The following PRTFDC1 variants were observed in gnomAD, a reference collection of about 807,000 sequenced individuals.
The protein encoded by PRTFDC1 is phosphoribosyltransferase domain-containing protein 1.
Under a neutral mutation model 34.6 loss-of-function variants are expected in PRTFDC1, and 38 were observed. The observed-to-expected ratio is 1.10, with a 90% CI of 0.85 to 1.44. The LOEUF (loss-of-function observed/expected upper bound fraction) is 1.44. Among genes scored for constraint, PRTFDC1 ranks in the 40% most tolerant of loss-of-function variants. The probability of loss-of-function intolerance (pLI) is 0.00; values close to 1 mark genes in which losing one functional copy is unlikely to be tolerated. For synonymous variants in PRTFDC1, 93 were observed against 98.1 expected, an observed-to-expected ratio of 0.95 and a Z score of 0.31; for missense variants, 270 against 283.0, an observed-to-expected ratio of 0.95 and a Z score of 0.33.
At chr10:24,901,403 C>G (rs1414954292) in intron 3 of PRTFDC1, among the ~76,000 whole-genome samples, 1 of 151,990 alleles carries the variant, frequency 6.6e-6, no homozygotes, top group Non-Finnish European at 1.5e-5. Context: ...GAGAAATGAC[C>G]ACCACCACCT....
At chr10:24,930,645 G>A (rs746051896) in intron 3 of PRTFDC1, among the ~76,000 whole-genome samples, 10 of 152,044 alleles carry the variant, frequency 6.6e-5, no homozygotes, top group Admixed American at 1.3e-4. Context: ...GAGCTCTGGC[G>A]TGGAACTTTG....
At chr10:24,898,551 A>G (rs574824215) in intron 3 of PRTFDC1, among the ~76,000 whole-genome samples, 2 of 151,544 alleles carry the variant, frequency 1.3e-5, no homozygotes, top group East Asian at 3.9e-4. Context: ...TAATAGAACC[A>G]GGAACACAGA....
intron 3 of PRTFDC1, among the ~76,000 whole-genome samples, chr10:24,882,008 A>T (rs902769184): frequency 6.6e-6 from 1 of 151,996 alleles, no homozygotes; most frequent in Non-Finnish European, 1.5e-5. Context: ...GGAGTTCGAG[A>T]CCAGCCTGGC....
chr10:24,942,355 T>C lies in PRTFDC1; in HGVS notation c.130A>G (p.Ile44Val), dbSNP rs1849175056. 1 of 1,613,102 alleles carries C rather than the reference T, an allele frequency of 6.2e-7. No homozygotes were observed. The highest frequency in any genetic ancestry group is 1.3e-5 in the African/African-American group (1 of 75,034). ...CTGTCCACAATGATACCATGAGGGA[T>C]GAGGACATACTCCAAGTCTCCATAA... ...HYYGDLEYVL[I>V]PHGIIVDRIE... The change falls in exon 2 of 9, where the codon ATC (isoleucine) becomes GTC (valine). Residue 44 changes from isoleucine to valine, a missense_variant. Coordinates refer to ENST00000320152, the MANE Select transcript of PRTFDC1 (RefSeq NM_020200.7).
In PRTFDC1 at chr10:24,851,808, C is replaced by T. The variant is rs74122883; in HGVS notation, c.554-344G>A. 8.7e-3 allele frequency among the ~76,000 whole-genome samples: 1,323 copies of T among 151,640 alleles called. 20 individuals are homozygous for T. Among genetic ancestry groups the T allele is most frequent in the African/African-American group, 0.03 (1,253 of 41,330 alleles). On this transcript the variant is annotated intron_variant, in intron 7 of 8. Coordinates refer to ENST00000320152, the MANE Select transcript of PRTFDC1 (RefSeq NM_020200.7). ...CTAAAGCAAGCAGTATGCAGTGATA[C>T]GATGCCAAAGGAAACACTCTCAACA...
intron 3 of PRTFDC1, among the ~76,000 whole-genome samples, chr10:24,896,086 C>G (rs1197168462): frequency 6.6e-6 from 1 of 152,064 alleles, no homozygotes; most frequent in Non-Finnish European, 1.5e-5. Context: ...CAGAAGTCAA[C>G]AGTAGGTGTT....
Position 24,933,918 on chromosome 10 carries a change from C to T in PRTFDC1, c.339+3266G>A, listed in dbSNP as rs117744235. Among the ~76,000 whole-genome samples the T allele has an allele frequency of 3.8e-3, 571 of 152,140 alleles. 21 individuals are homozygous for T. In the East Asian group the frequency reaches 0.086, roughly 23 times the overall value. On this transcript the variant is annotated intron_variant, in intron 3 of 8. Coordinates refer to ENST00000320152, the MANE Select transcript of PRTFDC1 (RefSeq NM_020200.7). ...ATGTTGACCAAGCTGGTCTTGAGCT[C>T]CTGACCTCAGATGATCTGCCCGACT...
At chr10:24,894,836 A>G (rs1444827930) in intron 3 of PRTFDC1, among the ~76,000 whole-genome samples, 1 of 152,188 alleles carries the variant, frequency 6.6e-6, no homozygotes, top group Non-Finnish European at 1.5e-5. Context: ...GCCTTGGGCA[A>G]ATGAACCCTT....
intron 3 of PRTFDC1, among the ~76,000 whole-genome samples, chr10:24,912,675 CCAAT>C (rs757380515): frequency 3.3e-5 from 5 of 151,948 alleles, no homozygotes; most frequent in Admixed American, 6.6e-5. Flanking sequence ...ATATTTTCTC[CCAAT>C]CAGTCTCCCA....
intron 7 of PRTFDC1, among the ~76,000 whole-genome samples, chr10:24,853,953 T>C (rs903887362): frequency 3.3e-5 from 5 of 152,300 alleles, no homozygotes; most frequent in Non-Finnish European, 5.9e-5. Flanking sequence ...CTGACACTCA[T>C]GGCTACATGA....
At chr10:24,923,360 A>G (rs1195732071) in intron 3 of PRTFDC1, among the ~76,000 whole-genome samples, 1 of 151,766 alleles carries the variant, frequency 6.6e-6, no homozygotes, top group East Asian at 1.9e-4. Context: ...TGGGTCCCTG[A>G]CCCCCATTTA....
At chr10:24,933,158 A>T (rs948943338) in intron 3 of PRTFDC1, among the ~76,000 whole-genome samples, 15 of 152,048 alleles carry the variant, frequency 9.9e-5, no homozygotes, top group African/African-American at 2.9e-4. Context: ...AAAACTATGA[A>T]ACTTCTCTTT....
chr10:24,876,828 C>A (rs1847973877), intron 3 of PRTFDC1, among the ~76,000 whole-genome samples: 1 of 147,896 alleles, frequency 6.8e-6, no homozygotes, highest in Non-Finnish European at 1.5e-5. Context: ...TTCTTCTTTC[C>A]CCCAACCCCC....
intron 3 of PRTFDC1, among the ~76,000 whole-genome samples, chr10:24,926,731 G>C (rs1377637109): frequency 1.3e-5 from 2 of 152,064 alleles, no homozygotes; most frequent in African/African-American, 4.8e-5. Flanking sequence ...TCCATTCCCC[G>C]AGATGTCTGC....
At chr10:24,885,881 A>T (rs1334821417) in intron 3 of PRTFDC1, among the ~76,000 whole-genome samples, 1 of 152,252 alleles carries the variant, frequency 6.6e-6, no homozygotes, top group Non-Finnish European at 1.5e-5. Context: ...AAGTGAAAGA[A>T]GCCATTCTGA....
At chr10:24,940,407 G>A (rs977561782) in intron 2 of PRTFDC1, among the ~76,000 whole-genome samples, 6 of 152,212 alleles carry the variant, frequency 3.9e-5, no homozygotes, top group Admixed American at 3.3e-4. Flanking sequence ...TTAAAAATTG[G>A]CAAAAGACTT....
intron 3 of PRTFDC1, among the ~76,000 whole-genome samples, chr10:24,892,876 C>T (rs1848288250): frequency 6.6e-6 from 1 of 152,150 alleles, no homozygotes; most frequent in African/African-American, 2.4e-5. Context: ...ATTAAGGATA[C>T]ACGAGTGATT....
At chr10:24,946,860 G>A (rs1386996637) in intron 1 of PRTFDC1, among the ~76,000 whole-genome samples, 4 of 152,218 alleles carry the variant, frequency 2.6e-5, no homozygotes, top group Non-Finnish European at 5.9e-5. Flanking sequence ...TTGAGGCCTG[G>A]CACATTGGCT....
At chr10:24,937,742 G>A (rs1849078616) in intron 2 of PRTFDC1, among the ~76,000 whole-genome samples, 1 of 151,724 alleles carries the variant, frequency 6.6e-6, no homozygotes, top group Non-Finnish European at 1.5e-5. Context: ...ATTTTTAGTA[G>A]AGACGAGGTT....
Sources: allele counts gnomAD v4.1 joint callset (sites outside exome capture counted in the v4.1 genomes callset), GRCh38; gene constraint gnomAD v4.1.1; transcripts MANE v1.5; gene names NCBI Gene and HGNC (gene_info 2026-07-23, HGNC 2026-07-21).